PSD3: variants seen among roughly 807,000 people sequenced by gnomAD.
The protein encoded by PSD3 is pleckstrin and Sec7 domain containing 3.
Under a neutral mutation model 105.5 loss-of-function variants are expected in PSD3, and 49 were observed. The ratio of observed to expected loss-of-function variants is 0.46; its 90% confidence interval spans 0.37 to 0.59. PSD3 has a LOEUF of 0.59. PSD3 is among the 20% of genes least tolerant of loss of function. PSD3 has a pLI of 0.00. For missense variants in PSD3, 1,561 were observed against 1,263.8 expected (o/e 1.24, Z -3.57); for synonymous variants, 557 against 457.8 (o/e 1.22, Z -2.77).
chr8:18,694,852 T>C (rs1457804192), intron 9 of PSD3, among the ~76,000 whole-genome samples: 1 of 151,966 alleles, frequency 6.6e-6, no homozygotes, highest in Admixed American at 6.6e-5. Context: ...TAAATGAAAC[T>C]GTTTTCATGT....
intron 12 of PSD3, among the ~76,000 whole-genome samples, chr8:18,591,756 T>C (rs1585323686): frequency 6.6e-6 from 1 of 152,136 alleles, no homozygotes; most frequent in East Asian, 1.9e-4. Context: ...CTGACTCTCC[T>C]GATTCAGGGA....
chr8:18,731,869 T>C (rs1352329892), intron 9 of PSD3, among the ~76,000 whole-genome samples: 1 of 152,192 alleles, frequency 6.6e-6, no homozygotes, highest in East Asian at 1.9e-4. Flanking sequence ...TAAAAATGTT[T>C]ACCCTAGATC....
At chr8:18,717,536 A>C (rs926680452) in intron 9 of PSD3, among the ~76,000 whole-genome samples, 2 of 152,172 alleles carry the variant, frequency 1.3e-5, no homozygotes, top group Non-Finnish European at 2.9e-5. Flanking sequence ...TTAAAAAAAA[A>C]CCAACCATGA....
chr8:18,618,253 T>C (rs1463801751), intron 11 of PSD3, among the ~76,000 whole-genome samples: 1 of 141,506 alleles, frequency 7.1e-6, no homozygotes, highest in Non-Finnish European at 1.6e-5. Context: ...CTGGGCTAAA[T>C]CAATCAATGC....
intron 4 of PSD3, among the ~76,000 whole-genome samples, chr8:18,825,711 C>A (rs1310371142): frequency 3.9e-5 from 6 of 152,196 alleles, no homozygotes; most frequent in Non-Finnish European, 7.3e-5. Flanking sequence ...GGACTGAGAA[C>A]AACCTGTGAA....
At chr8:18,995,268 C>A (rs1826014462) in intron 1 of PSD3, among the ~76,000 whole-genome samples, 1 of 152,120 alleles carries the variant, frequency 6.6e-6, no homozygotes, top group African/African-American at 2.4e-5. Flanking sequence ...GAAGTCTGGC[C>A]TTCCCTACAT....
At chr8:18,835,901 G>C (rs1276057528) in intron 4 of PSD3, among the ~76,000 whole-genome samples, 1 of 151,338 alleles carries the variant, frequency 6.6e-6, no homozygotes, top group African/African-American at 2.4e-5. Flanking sequence ...ATCGTGTAGG[G>C]ACTTGGAGGT....
chr8:18,999,294 C>T lies in PSD3; in HGVS notation c.21+14269G>A, dbSNP rs185082658. Among the ~76,000 whole-genome samples the T allele has an allele frequency of 3.8e-4, 58 of 151,912 alleles. 1 individual carries two copies. Among genetic ancestry groups the T allele is most frequent in the African/African-American group, 1.2e-3 (49 of 41,390 alleles). On this transcript the variant is annotated intron_variant, in intron 1 of 15. Transcript: ENST00000327040. ...GTCTCACAAGGTGACACAAGTTACC[C>T]GGGAAGACATGCTGGCTGATGCCCA... is the stretch of plus-strand genomic sequence containing the variant.
At chr8:18,982,323 C>T (rs757421652) in intron 1 of PSD3, among the ~76,000 whole-genome samples, 1 of 152,178 alleles carries the variant, frequency 6.6e-6, no homozygotes, top group Non-Finnish European at 1.5e-5. Context: ...CCACTGCAGT[C>T]TTGAACTCAC....
At chr8:18,848,413 C>G (rs1815283242) in intron 4 of PSD3, among the ~76,000 whole-genome samples, 1 of 152,188 alleles carries the variant, frequency 6.6e-6, no homozygotes, top group African/African-American at 2.4e-5. Flanking sequence ...GAGCTGGTCC[C>G]CTGGTTGCAT....
chr8:19,067,009 A>T (rs975356908), intron 1 of PSD3, among the ~76,000 whole-genome samples: 3 of 152,218 alleles, frequency 2.0e-5, no homozygotes, highest in African/African-American at 7.2e-5. Flanking sequence ...GACTATTATT[A>T]TTAGTTATAA....
intron 8 of PSD3, chr8:18,774,602 C>T (rs17127179): frequency 0.053 from 19,755 of 372,486 alleles, 1,537 homozygotes; most frequent in East Asian, 0.28. Context: ...GCTGCTGCTG[C>T]TTCTTGGTCT....
chr8:18,859,494 C>T (rs1048268376), intron 4 of PSD3, among the ~76,000 whole-genome samples: 2 of 152,142 alleles, frequency 1.3e-5, no homozygotes, highest in South Asian at 2.1e-4. Context: ...GGCGATGCCT[C>T]GTACTCTCTA....
chr8:18,924,377 A>C (rs751734111), intron 2 of PSD3, among the ~76,000 whole-genome samples: 9 of 152,130 alleles, frequency 5.9e-5, no homozygotes, highest in Non-Finnish European at 1.3e-4. Flanking sequence ...TGCTTTCCAT[A>C]ATGGGTGGGA....
intron 1 of PSD3, among the ~76,000 whole-genome samples, chr8:19,003,604 T>G (rs927659360): frequency 2.6e-5 from 4 of 151,940 alleles, no homozygotes; most frequent in Admixed American, 6.6e-5. Flanking sequence ...TCAGCAATGG[T>G]AAGAAAATAT....
At chr8:18,616,226 C>A (rs1805652589) in intron 11 of PSD3, among the ~76,000 whole-genome samples, 1 of 152,228 alleles carries the variant, frequency 6.6e-6, no homozygotes, top group African/African-American at 2.4e-5. Flanking sequence ...CAACTCAGAC[C>A]ACGTTTCTTC....
intron 1 of PSD3, among the ~76,000 whole-genome samples, chr8:19,059,358 C>A (rs996159362): frequency 6.6e-6 from 1 of 151,706 alleles, no homozygotes; most frequent in Non-Finnish European, 1.5e-5. Flanking sequence ...GCTACTTCTG[C>A]GGATGATGGA....
Position 18,819,732 on chromosome 8 carries a change from C to G in PSD3, c.1635-14834G>C, listed in dbSNP as rs77876546. ...TAGCTAGGACTGCAGGCGCCCACCA[C>G]CACGCCCAGCTAATTTTTGTCTGTT... On this transcript the variant is annotated intron_variant, in intron 4 of 15. Transcript: ENST00000327040. 2.0e-5 allele frequency among the ~76,000 whole-genome samples: 3 copies of G among 152,224 alleles called. No homozygotes were observed. In the East Asian group the frequency reaches 5.8e-4, roughly 29 times the overall value.
chr8:18,648,812 C>T (rs1808251981), intron 10 of PSD3, among the ~76,000 whole-genome samples: 1 of 152,258 alleles, frequency 6.6e-6, no homozygotes, highest in Non-Finnish European at 1.5e-5. Context: ...GCATCCCAGC[C>T]ACTCTAGCTA....
Sources: gnomAD v4.1 joint callset for allele counts (sites outside exome capture counted in the v4.1 genomes callset) on GRCh38, gnomAD v4.1.1 for gene constraint, MANE v1.5 for transcripts, NCBI Gene and HGNC (gene_info 2026-07-23, HGNC 2026-07-21) for gene names.